Variants in DPH6 observed in about 807,000 individuals in gnomAD.
The protein encoded by DPH6 is diphthine--ammonia ligase.
Under a neutral mutation model 38.2 loss-of-function variants are expected in DPH6, and 33 were observed. The ratio of observed to expected loss-of-function variants is 0.86; its 90% CI spans 0.65 to 1.15. The LOEUF (loss-of-function observed/expected upper bound fraction) is 1.15. Ranked by LOEUF, DPH6 falls within the 50% of genes most tolerant of loss-of-function variation. The probability of loss-of-function intolerance (pLI) is 0.00; values close to 1 mark genes in which losing one functional copy is unlikely to be tolerated. For missense variants in DPH6, 325 were observed against 320.0 expected (o/e 1.02, Z -0.12); for synonymous variants, 108 against 103.0 (o/e 1.05, Z -0.30).
chr15:35,155,938 C>A, the DPH6 span, among the ~76,000 whole-genome samples: 1 of 152,042 alleles, frequency 6.6e-6, no homozygotes, highest in African/African-American at 2.4e-5. Flanking sequence ...ACAGTGTCAT[C>A]TTTTTTAGTG....
At chr15:35,158,714 G>A in the DPH6 span, among the ~76,000 whole-genome samples, 6 of 152,116 alleles carry the variant, frequency 3.9e-5, no homozygotes, top group Middle Eastern at 3.4e-3. Flanking sequence ...AAAATTGAAC[G>A]CCTACATACC....
chr15:35,473,829 A>G (rs144261447), intron 3 of DPH6, among the ~76,000 whole-genome samples: 1,590 of 152,254 alleles, frequency 0.01, 90 homozygotes, highest in Admixed American at 0.095. Flanking sequence ...CACAACAATT[A>G]AAAATGAGAA....
At chr15:35,498,968 T>G (rs868236776) in intron 3 of DPH6, among the ~76,000 whole-genome samples, 1,401 of 137,568 alleles carry the variant, frequency 0.01, 18 homozygotes, top group African/African-American at 0.038. Flanking sequence ...AAAAAAAAAG[T>G]ATCCCGTTAT....
intron 3 of DPH6, among the ~76,000 whole-genome samples, chr15:35,261,642 G>T (rs1008713068): frequency 3.9e-5 from 6 of 152,096 alleles, no homozygotes; most frequent in Non-Finnish European, 8.8e-5. Context: ...AGACCAGCCT[G>T]GGCAATATAG....
At chr15:35,471,877 G>C (rs972925883) in intron 3 of DPH6, among the ~76,000 whole-genome samples, 2 of 152,176 alleles carry the variant, frequency 1.3e-5, no homozygotes, top group African/African-American at 2.4e-5. Flanking sequence ...CATCCACATA[G>C]TGTGCAGTAT....
intron 7 of DPH6, among the ~76,000 whole-genome samples, chr15:35,375,970 T>C (rs1230386789): frequency 6.6e-6 from 1 of 152,138 alleles, no homozygotes; most frequent in Non-Finnish European, 1.5e-5. Flanking sequence ...CTAAAAGGTA[T>C]ACAGATATTC....
chr15:35,387,356 T>C (rs1220401239), intron 6 of DPH6, among the ~76,000 whole-genome samples: 3 of 152,200 alleles, frequency 2.0e-5, no homozygotes, highest in Admixed American at 2.0e-4. Context: ...AACTTTAAAG[T>C]AGTTTTTTCC....
chr15:35,529,467 G>C (rs2055054511), intron 3 of DPH6, among the ~76,000 whole-genome samples: 1 of 152,090 alleles, frequency 6.6e-6, no homozygotes, highest in South Asian at 2.1e-4. Context: ...CTTGACATGA[G>C]ATATGGGTGG....
the DPH6 span, among the ~76,000 whole-genome samples, chr15:35,168,315 AAAGAG>A: frequency 6.6e-6 from 1 of 152,004 alleles, no homozygotes; most frequent in East Asian, 1.9e-4. Context: ...ATTGCCTTGA[AAAGAG>A]AAGAGAATAT....
intron 5 of DPH6, among the ~76,000 whole-genome samples, chr15:35,450,304 T>C (rs1417415664): frequency 6.6e-6 from 1 of 151,920 alleles, no homozygotes; most frequent in Non-Finnish European, 1.5e-5. Flanking sequence ...GTCAAATACA[T>C]ATTATAAAAA....
chr15:35,499,196 T>C (rs1395943873), intron 3 of DPH6, among the ~76,000 whole-genome samples: 2 of 152,116 alleles, frequency 1.3e-5, no homozygotes, highest in South Asian at 2.1e-4. Flanking sequence ...CCCTACTACT[T>C]ATATTTCTTT....
intron 3 of DPH6, among the ~76,000 whole-genome samples, chr15:35,274,549 G>GAA (rs60282507): frequency 6.8e-6 from 1 of 146,644 alleles, no homozygotes; most frequent in Admixed American, 6.8e-5. Context: ...AAATTTACAA[G>GAA]AAAAAAAAAA....
intron 3 of DPH6, among the ~76,000 whole-genome samples, chr15:35,493,822 G>A (rs936096524): frequency 6.6e-6 from 1 of 152,070 alleles, no homozygotes. Context: ...ATATAAACGG[G>A]CAAATAACAA....
chr15:35,217,011 G>A (rs1287522781), downstream of DPH6, among the ~76,000 whole-genome samples: 2 of 152,140 alleles, frequency 1.3e-5, no homozygotes, highest in African/African-American at 4.8e-5. Context: ...AAACTGGTGT[G>A]CTAAACAAAA....
intron 5 of DPH6, among the ~76,000 whole-genome samples, chr15:35,448,332 A>T (rs1440464187): frequency 2.0e-5 from 3 of 152,172 alleles, no homozygotes; most frequent in Admixed American, 6.5e-5. Context: ...GTTCCCAAAA[A>T]TTATGGGATT....
chr15:35,344,172 TAA>T (rs1481321694), intron 3 of DPH6, among the ~76,000 whole-genome samples: 3 of 151,954 alleles, frequency 2.0e-5, no homozygotes, highest in Non-Finnish European at 4.4e-5. Context: ...CCACTGATGA[TAA>T]AGAGAAGCCA....
At chr15:35,454,959 A>G (rs985430166) in intron 3 of DPH6, 139 bp from the exon 4 acceptor site, 1 of 559,430 alleles carries the variant, frequency 1.8e-6, no homozygotes, top group Non-Finnish European at 3.1e-6. Context: ...AATATAATCG[A>G]CATTCAGAAA....
intron 3 of DPH6, among the ~76,000 whole-genome samples, chr15:35,232,699 C>CT (rs2051526557): frequency 6.6e-6 from 1 of 152,174 alleles, no homozygotes; most frequent in African/African-American, 2.4e-5. Flanking sequence ...TTCTGCAACA[C>CT]TTTTTTCTAT....
intron 3 of DPH6, among the ~76,000 whole-genome samples, chr15:35,229,407 A>C (rs904889162): frequency 6.6e-6 from 1 of 151,940 alleles, no homozygotes; most frequent in African/African-American, 2.4e-5. Context: ...ATTTCAATCT[A>C]TTTGTTAAAT....
Sources: gnomAD v4.1 joint callset for allele counts (sites outside exome capture counted in the v4.1 genomes callset) on GRCh38, gnomAD v4.1.1 for gene constraint, MANE v1.5 for transcripts, NCBI Gene and HGNC (gene_info 2026-07-23, HGNC 2026-07-21) for gene names.